ANKHD1: variants seen among roughly 807,000 people sequenced by gnomAD.
The protein encoded by ANKHD1 is ankyrin repeat and KH domain containing 1, also known as ankyrin repeat and KH domain-containing protein 1.
Under a neutral mutation model 230.5 loss-of-function variants are expected in ANKHD1, and 31 were observed. The observed-to-expected ratio is 0.13, with a 90% CI of 0.10 to 0.18. The LOEUF is 0.18. Among genes scored for constraint, ANKHD1 ranks in the 10% least tolerant of loss-of-function variants. The pLI is 1.00. For synonymous variants in ANKHD1, 1,074 were observed against 1,117.6 expected, an observed-to-expected ratio of 0.96 and a Z score of 0.78; for missense variants, 2,256 against 3,071.3, an observed-to-expected ratio of 0.73 and a Z score of 6.27.
intron 7 of ANKHD1, among the ~76,000 whole-genome samples, chr5:140,454,510 G>C (rs897206608): frequency 6.6e-6 from 1 of 152,118 alleles, no homozygotes; most frequent in Non-Finnish European, 1.5e-5. Context: ...ATAACAAACT[G>C]TCTCTCAGAC....
intron 10 of ANKHD1, among the ~76,000 whole-genome samples, chr5:140,478,003 G>A (rs1411651122): frequency 1.3e-5 from 2 of 152,086 alleles, no homozygotes; most frequent in Non-Finnish European, 1.5e-5. Flanking sequence ...CCAAAACTTG[G>A]GTAGGGAGAA....
At position 140,534,795 on chromosome 5, in the gene ANKHD1, T is replaced by C. The variant is rs987176047; in HGVS notation, c.6851-567T>C. ...GAGAAGATGGCTAAGTTCAGATTTA[T>C]ACAAACTAGATAGAAACTTTGATAA... On this transcript the variant is annotated intron_variant, in intron 29 of 33. Coordinates refer to ENST00000360839, the MANE Select transcript of ANKHD1 (RefSeq NM_017747.3). Among the ~76,000 whole-genome samples the C allele has an allele frequency of 2.6e-5, 4 of 152,232 alleles. No homozygotes were observed. The South Asian group carries it at 8.3e-4, about 31-fold the overall frequency.
At chr5:140,454,014 G>A (rs985775188) in intron 7 of ANKHD1, among the ~76,000 whole-genome samples, 4 of 152,184 alleles carry the variant, frequency 2.6e-5, no homozygotes, top group South Asian at 4.1e-4. Flanking sequence ...AAGGGATGGA[G>A]TAAGACCTAC....
intron 10 of ANKHD1, among the ~76,000 whole-genome samples, chr5:140,481,958 A>C (rs999776608): frequency 1.7e-4 from 26 of 152,062 alleles, no homozygotes; most frequent in Admixed American, 7.2e-4. Context: ...TGAGGCATGC[A>C]TGGTTAAAAA....
chr5:140,491,053 ATATT>A (rs963268900), intron 14 of ANKHD1, among the ~76,000 whole-genome samples: 6 of 144,374 alleles, frequency 4.2e-5, no homozygotes, highest in African/African-American at 1.5e-4. Flanking sequence ...TTCTTATAAA[ATATT>A]TATTTTTTAT....
intron 24 of ANKHD1, among the ~76,000 whole-genome samples, chr5:140,520,187 A>G (rs1188938190): frequency 6.6e-6 from 1 of 152,244 alleles, no homozygotes. Context: ...AATGCTCCTC[A>G]TCACTGGCCA....
chr5:140,437,567 G>C (rs762920170), intron 2 of ANKHD1, among the ~76,000 whole-genome samples: 4 of 152,116 alleles, frequency 2.6e-5, no homozygotes, highest in African/African-American at 7.2e-5. Flanking sequence ...TTAACTGGGC[G>C]TGGCGGCGCA....
chr5:140,485,873 T>A lies in ANKHD1; in HGVS notation c.2142+141T>A. 7.8e-7 allele frequency: 1 copy of A among 1,279,000 alleles called. No individual in the cohort carries two copies. The highest frequency in any genetic ancestry group is 1.1e-6 in the Non-Finnish European group (1 of 947,034). The allele number at this position is 1,279,000 out of a possible 1,614,324, so 79.2% of individuals were successfully genotyped here. On this transcript the variant is annotated intron_variant, in intron 13 of 33. Transcript: ENST00000360839. The surrounding 1 kb of genome is among the most constrained non-coding windows in gnomAD (Gnocchi z 4.8). ...GAGAAAATCATGACTCTAAATTCTT[T>A]AGGATTTATTTTCTTTAAAGGTACA...
chr5:140,492,004 G>T (rs1440373335), intron 14 of ANKHD1, among the ~76,000 whole-genome samples: 1 of 152,166 alleles, frequency 6.6e-6, no homozygotes, highest in African/African-American at 2.4e-5. Context: ...GTGGAAACGA[G>T]ATTGAAAACA....
intron 7 of ANKHD1, among the ~76,000 whole-genome samples, chr5:140,450,028 TTTTTC>T (rs1207537200): frequency 6.6e-6 from 1 of 152,186 alleles, no homozygotes; most frequent in Admixed American, 6.5e-5. Flanking sequence ...CCAGAAATCC[TTTTTC>T]TACTTCTGTA....
chr5:140,524,004 T>A, intron 24 of ANKHD1, 62 bp from the exon 25 acceptor site: 1 of 1,502,044 alleles, frequency 6.7e-7, no homozygotes, highest in Non-Finnish European at 8.8e-7. Context: ...AAAAATATCA[T>A]TTCATTCTTT....
chr5:140,538,303 C>G (rs373664898), intron 32 of ANKHD1, 42 bp downstream of exon 32: 104 of 1,604,926 alleles, frequency 6.5e-5, no homozygotes, highest in Middle Eastern at 5.0e-4. Flanking sequence ...GACACTTTGT[C>G]AGCCAATGTA....
At chr5:140,501,314 G>A (rs898624623) in intron 15 of ANKHD1, among the ~76,000 whole-genome samples, 12 of 151,412 alleles carry the variant, frequency 7.9e-5, no homozygotes, top group African/African-American at 2.7e-4. Context: ...TCCTGACCTC[G>A]TGATCTGCCC....
chr5:140,489,016 CCTGT>C (rs1271984331), intron 14 of ANKHD1, among the ~76,000 whole-genome samples: 3 of 151,972 alleles, frequency 2.0e-5, no homozygotes, highest in Admixed American at 1.3e-4. Context: ...ATGGCGAAAC[CCTGT>C]CTAACAAAAA....
At chr5:140,486,645 T>C (rs931629331) in intron 13 of ANKHD1, 3 of 170,430 alleles carry the variant, frequency 1.8e-5, no homozygotes, top group African/African-American at 7.1e-5. Context: ...AAGGGTAAAT[T>C]GGCTAGTGGA....
intron 6 of ANKHD1, among the ~76,000 whole-genome samples, chr5:140,448,231 T>C (rs149130557): frequency 1.3e-4 from 20 of 152,268 alleles, no homozygotes; most frequent in South Asian, 1.0e-3. Context: ...GGATATTAGA[T>C]AGGGAACTAG....
intron 10 of ANKHD1, among the ~76,000 whole-genome samples, chr5:140,474,624 T>C (rs1036800484): frequency 5.0e-5 from 7 of 138,978 alleles, no homozygotes; most frequent in African/African-American, 1.9e-4. Context: ...TTGGAGATGG[T>C]CTCACTTTGT....
intron 1 of ANKHD1, among the ~76,000 whole-genome samples, chr5:140,417,854 T>TTTTA (rs70988759): frequency 1.7e-5 from 2 of 114,386 alleles, no homozygotes; most frequent in African/African-American, 6.9e-5. Flanking sequence ...TTTTTTTTTT[T>TTTTA]GAGACAGAGT....
chr5:140,492,387 C>A (rs181200393), intron 14 of ANKHD1, among the ~76,000 whole-genome samples: 5 of 152,096 alleles, frequency 3.3e-5, no homozygotes, highest in Non-Finnish European at 1.5e-5. Context: ...TATAATGTGT[C>A]CTGTTAGTTT....
Sources: gnomAD v4.1 joint callset for allele counts (sites outside exome capture counted in the v4.1 genomes callset) on GRCh38, gnomAD v4.1.1 for gene constraint, Gnocchi (gnomAD v3.1) non-coding constraint, MANE v1.5 for transcripts, NCBI Gene and HGNC (gene_info 2026-07-23, HGNC 2026-07-21) for gene names.